Variants in ALG5 observed in about 807,000 individuals in gnomAD.
The protein encoded by ALG5 is ALG5 dolichyl-phosphate beta-glucosyltransferase.
ALG5 carries 26 observed loss-of-function variants against 51.8 expected under a neutral mutation model. That is an observed-to-expected ratio of 0.50 (90% CI 0.37 to 0.70). The LOEUF is 0.70. Ranked by LOEUF, ALG5 falls within the 30% of genes least tolerant of loss-of-function variation. The pLI, the probability that ALG5 is intolerant of heterozygous loss-of-function variation, is 0.00. For synonymous variants in ALG5, 141 were observed against 136.1 expected (o/e 1.04, Z -0.25); for missense variants, 311 against 399.3 (o/e 0.78, Z 1.88).
At chr13:36,999,160 G>A (rs1312420119) in intron 1 of ALG5, 75 bp downstream of exon 1, 1 of 1,352,306 alleles carries the variant, frequency 7.4e-7, no homozygotes, top group Non-Finnish European at 9.8e-7. Context: ...CGCGGAGGAG[G>A]GGACGCCTGA....
intron 6 of ALG5, 38 bp from the exon 7 acceptor site, chr13:36,972,074 A>G (rs2058926651): frequency 7.2e-7 from 1 of 1,397,200 alleles, no homozygotes; most frequent in South Asian, 1.3e-5. Flanking sequence ...CAATATTTAA[A>G]TATCACTAAT....
At chr13:36,959,527 G>T (rs1227756541) in intron 8 of ALG5, among the ~76,000 whole-genome samples, 1 of 151,970 alleles carries the variant, frequency 6.6e-6, no homozygotes, top group Non-Finnish European at 1.5e-5. Flanking sequence ...GCATGAAAAA[G>T]AACTACATTA....
intron 6 of ALG5, among the ~76,000 whole-genome samples, chr13:36,981,004 A>C (rs1383171687): frequency 2.0e-5 from 3 of 152,172 alleles, no homozygotes; most frequent in African/African-American, 7.2e-5. Context: ...TAAAATTTTT[A>C]GTATGAAAAT....
At chr13:36,979,332 T>A (rs2058968319) in intron 6 of ALG5, among the ~76,000 whole-genome samples, 1 of 152,152 alleles carries the variant, frequency 6.6e-6, no homozygotes, top group Admixed American at 6.5e-5. Flanking sequence ...ACCTCAGAGT[T>A]ATGGTGTCTA....
Position 36,995,387 on chromosome 13 carries a change from A to C in ALG5, c.238+38T>G, listed in dbSNP as rs993886078. The C allele has an allele frequency of 3.2e-6, 5 of 1,575,180 alleles. No individual in the cohort carries two copies. In the African/African-American group the frequency reaches 6.9e-5, roughly 22 times the overall value. ...TACTTTAAATTTCCTTTTCTTTTCC[A>C]AACTACCCTTTACCAAAAAAATCAA... On this transcript the variant is annotated intron_variant, in intron 2 of 9. Transcript: ENST00000239891.
At chr13:36,992,261 C>T (rs560264220) in intron 4 of ALG5, among the ~76,000 whole-genome samples, 74 of 152,284 alleles carry the variant, frequency 4.9e-4, no homozygotes, top group African/African-American at 1.7e-3. Context: ...AGAAAGTGGT[C>T]TTTACATCTT....
In ALG5 at chr13:36,987,282, C is replaced by T. The variant is rs142644297; in HGVS notation, c.448-1542G>A. On this transcript the variant is annotated intron_variant, in intron 5 of 9. Transcript: ENST00000239891. ...GTTTCATTCCTTCTATTAATGGCAT[C>T]GTCATCCTCCCTGTTACCCAAGGCC... Among the ~76,000 whole-genome samples the T allele has an allele frequency of 3.6e-3, 541 of 152,278 alleles. 4 individuals are homozygous for T. The highest frequency in any genetic ancestry group is 0.012 in the African/African-American group (507 of 41,558).
At chr13:36,957,586 CT>C (rs112097064) in intron 8 of ALG5, among the ~76,000 whole-genome samples, 13,283 of 152,068 alleles carry the variant, frequency 0.087, 1,456 homozygotes, top group African/African-American at 0.26. Context: ...CAAATGACAT[CT>C]AAAAAAGCTA....
chr13:36,954,379 G>C (rs2058831088), intron 8 of ALG5, among the ~76,000 whole-genome samples: 1 of 151,934 alleles, frequency 6.6e-6, no homozygotes, highest in South Asian at 2.1e-4. Context: ...ATTTTTTGTA[G>C]AGAAGAGGTT....
chr13:36,957,634 C>T (rs1025956322), intron 8 of ALG5, among the ~76,000 whole-genome samples: 1 of 152,102 alleles, frequency 6.6e-6, no homozygotes, highest in African/African-American at 2.4e-5. Flanking sequence ...TGCTCTGTTG[C>T]CTACAGCCTT....
intron 8 of ALG5, among the ~76,000 whole-genome samples, chr13:36,954,727 G>A (rs1333253197): frequency 1.3e-5 from 2 of 152,148 alleles, no homozygotes. Flanking sequence ...GGGTTGGGCT[G>A]AGCCACTGTG....
rs2058810404 is a variant in ALG5, at chr13:36,949,774, T to C, written c.*168A>G. 5 of 443,884 alleles carry C rather than the reference T, an allele frequency of 1.1e-5. No individual in the cohort carries two copies. In the South Asian group the frequency reaches 3.0e-4, roughly 26 times the overall value. The allele number at this position is 443,884 out of a possible 1,614,324, so 27.5% of individuals were successfully genotyped here. A position where few individuals can be genotyped will look rare whatever the true frequency, so the allele number is the denominator to read the frequency against. The stretch of plus-strand genomic sequence containing the variant: ...ATAAACATCTTTTAAAAATCATTTA[T>C]ATCCAAAGAGATATATAATTTTTTA... On this transcript the variant is annotated 3_prime_UTR_variant, in exon 10 of 10. Transcript: ENST00000239891.
chr13:36,974,315 T>C (rs12872025), intron 6 of ALG5, among the ~76,000 whole-genome samples: 6,344 of 152,272 alleles, frequency 0.042, 164 homozygotes, highest in Non-Finnish European at 0.061. Context: ...ATCTTTCTTA[T>C]ACCATTTGAA....
At chr13:36,986,519 C>T (rs1038197984) in intron 5 of ALG5, among the ~76,000 whole-genome samples, 1 of 152,158 alleles carries the variant, frequency 6.6e-6, no homozygotes, top group Non-Finnish European at 1.5e-5. Flanking sequence ...CATAGTGTGA[C>T]TATAGGTAAG....
intron 6 of ALG5, among the ~76,000 whole-genome samples, chr13:36,978,650 G>A (rs921847619): frequency 2.7e-5 from 4 of 150,884 alleles, no homozygotes; most frequent in African/African-American, 9.7e-5. Flanking sequence ...GGTGGCTCAC[G>A]CCTGTAATCC....
rs146072260 is a variant in ALG5, at chr13:36,968,366, T to C, written c.622-2640A>G. On this transcript the variant is annotated intron_variant, in intron 7 of 9. Transcript: ENST00000239891. ...AAGGTGACTTCTAATTTCATTAACTTAAAATAAGAAGTTCAAAGAAGTCCC... is the reference window on the plus strand; with the variant it reads ...AAGGTGACTTCTAATTTCATTAACTCAAAATAAGAAGTTCAAAGAAGTCCC... Among the ~76,000 whole-genome samples, 1,135 of 152,302 alleles carry C rather than the reference T, an allele frequency of 7.5e-3. 8 individuals carry two copies. Among genetic ancestry groups the C allele is most frequent in the Admixed American group, 0.012 (182 of 15,298 alleles).
intron 8 of ALG5, among the ~76,000 whole-genome samples, chr13:36,956,209 C>G (rs981013685): frequency 5.3e-5 from 8 of 152,086 alleles, no homozygotes; most frequent in Non-Finnish European, 8.8e-5. Context: ...AGACATTTCT[C>G]AAAAGATGAC....
chr13:36,979,860 A>C (rs2058971310), intron 6 of ALG5, among the ~76,000 whole-genome samples: 1 of 152,152 alleles, frequency 6.6e-6, no homozygotes, highest in Admixed American at 6.5e-5. Flanking sequence ...CAGCCTCGGC[A>C]ACATGGTGAA....
Position 36,971,996 on chromosome 13 carries a change from T to G in ALG5, c.602A>C (p.Glu201Ala). 6.2e-7 allele frequency: 1 copy of G among 1,604,986 alleles called. No individual in the cohort carries two copies. The highest frequency in any genetic ancestry group is 8.5e-7 in the Non-Finnish European group (1 of 1,175,132). The stretch of plus-strand genomic sequence containing the variant: ...TCTCACCTGAGCAATTGATTCTTTT[T>G]CTAAATGAGCTCGAGATCCACATGC... ...AIACGSRAHL[E>A]KESIAQRSYF... Residue 201 changes from glutamate (E) to alanine (A), a missense_variant, in exon 7 of 10, where the codon GAA (glutamate) becomes GCA (alanine). By Grantham distance (107) the Glu-to-Ala change is moderately radical (BLOSUM62 -1). Transcript: ENST00000239891.
Sources: allele counts gnomAD v4.1 joint callset (sites outside exome capture counted in the v4.1 genomes callset), GRCh38; gene constraint gnomAD v4.1.1; transcripts MANE v1.5; gene names NCBI Gene and HGNC (gene_info 2026-07-23, HGNC 2026-07-21).